Variants in DST observed in about 807,000 individuals in gnomAD.
The protein encoded by DST is bullous pemphigoid antigen.
In DST, 253 loss-of-function variants were observed where a neutral mutation model predicts 875.2. The ratio of observed to expected loss-of-function variants is 0.29; its 90% CI spans 0.26 to 0.32. DST has a LOEUF of 0.32. DST is among the 10% of genes least tolerant of loss of function. The pLI is 1.00. For missense variants in DST, 8,287 were observed against 9,111.6 expected, an observed-to-expected ratio of 0.91 and a Z score of 3.68; for synonymous variants, 3,124 against 3,197.1, an observed-to-expected ratio of 0.98 and a Z score of 0.77.
At chr6:56,529,359 C>A in intron 66 of DST, 89 bp downstream of exon 66, 1 of 1,099,472 alleles carries the variant, frequency 9.1e-7, no homozygotes. Context: ...TCGAAATCAT[C>A]ATAAACATAA....
chr6:56,843,614 T>A, intron 4 of DST: 1 of 983,590 alleles, frequency 1.0e-6, no homozygotes, highest in Non-Finnish European at 1.2e-6. Flanking sequence ...ACCGGCGCGC[T>A]GCCTTCACCG....
chr6:56,497,095 C>G (rs190077188), intron 82 of DST, among the ~76,000 whole-genome samples: 37 of 152,052 alleles, frequency 2.4e-4, no homozygotes, highest in Admixed American at 2.0e-3. Flanking sequence ...AGGACACCAG[C>G]ATGGCACATG....
At position 56,678,002 on chromosome 6, in the gene DST, G is replaced by A. The variant is rs114907924; in HGVS notation, c.1048-7195C>T. 9.6e-3 allele frequency among the ~76,000 whole-genome samples: 1,458 copies of A among 152,282 alleles called. 23 individuals carry two copies. Among genetic ancestry groups the A allele is most frequent in the African/African-American group, 0.033 (1,381 of 41,554 alleles). On this transcript the variant is annotated intron_variant, in intron 9 of 103. Transcript: ENST00000680361. Reference sequence around the variant, plus strand: ...CCCAGACTCCACTAGGCCCACAGGCGGGGCAGGTGAATTCTAACTCCTCCA... The same window carrying A: ...CCCAGACTCCACTAGGCCCACAGGCAGGGCAGGTGAATTCTAACTCCTCCA...
At chr6:56,813,389 A>AT (rs764324814) in intron 4 of DST, among the ~76,000 whole-genome samples, 1 of 139,188 alleles carries the variant, frequency 7.2e-6, no homozygotes, top group Non-Finnish European at 1.5e-5. Context: ...TATAATAATA[A>AT]TAAAAAAAAA....
chr6:56,940,930 C>A (rs921652228), intron 2 of DST, among the ~76,000 whole-genome samples: 3 of 152,118 alleles, frequency 2.0e-5, no homozygotes, highest in Non-Finnish European at 4.4e-5. Context: ...TAGTTATACC[C>A]TCTCTTTCAT....
At chr6:56,633,131 A>G in intron 27 of DST, 94 bp from the exon 28 acceptor site, 1 of 940,034 alleles carries the variant, frequency 1.1e-6, no homozygotes, top group East Asian at 2.4e-5. Context: ...ATGCCAATCT[A>G]AACGAATAAT....
chr6:56,586,207 C>T (rs1370206944), intron 49 of DST, among the ~76,000 whole-genome samples: 1 of 150,894 alleles, frequency 6.6e-6, no homozygotes, highest in East Asian at 2.0e-4. Context: ...GTTAAAGTCT[C>T]CCATTATTAT....
At chr6:56,510,722 T>C (rs577922299) in intron 73 of DST, among the ~76,000 whole-genome samples, 1 of 152,252 alleles carries the variant, frequency 6.6e-6, no homozygotes, top group African/African-American at 2.4e-5. Context: ...GGAAAATCTT[T>C]GGGTATTTCA....
intron 4 of DST, among the ~76,000 whole-genome samples, chr6:56,781,272 G>A (rs367894280): frequency 2.6e-5 from 4 of 152,306 alleles, no homozygotes; most frequent in African/African-American, 9.6e-5. Flanking sequence ...GTCATTGGTA[G>A]CTTGATGGGG....
rs899600101 is a variant in DST, at chr6:56,547,411, T to G, written c.16608+4773A>C. On this transcript the variant is annotated intron_variant, in intron 61 of 103. Transcript: ENST00000680361. ...TTCCTATAAAAGCCATGCATCTAGT[T>G]ACAGTGTCTATAGTGGAAATATTTT... is the stretch of plus-strand genomic sequence containing the variant. Among the ~76,000 whole-genome samples, 6 of 152,270 alleles carry G rather than the reference T, an allele frequency of 3.9e-5. No individual in the cohort carries two copies. In the East Asian group the frequency reaches 9.6e-4, roughly 24 times the overall value.
At position 56,642,503 on chromosome 6, in the gene DST, C is replaced by T. The variant is rs759216859; in HGVS notation, c.1779G>A (p.Arg593=). Residue 593 remains arginine, a splice_region_variant and synonymous_variant, in exon 16 of 104, where the codon AGG becomes AGA. Coordinates refer to ENST00000680361, the MANE Select transcript of DST (RefSeq NM_001374736.1). ...TGGCAATCTGTTGCAACATTTCTAA[C>T]CTAAAAGATGAGACAAAATAAAATA... ...REKALRPEVE[R]LEMLQQIANR... is the part of the protein sequence containing the mutation. The T allele has an allele frequency of 2.7e-5, 44 of 1,612,422 alleles. No individual in the cohort carries two copies. In the East Asian group the frequency reaches 6.5e-4, roughly 24 times the overall value.
At chr6:56,574,270 T>C (rs1156403688) in intron 50 of DST, among the ~76,000 whole-genome samples, 1 of 152,150 alleles carries the variant, frequency 6.6e-6, no homozygotes, top group Non-Finnish European at 1.5e-5. Context: ...TATTGAAAAT[T>C]ACTTTCGGAG....
At chr6:56,598,427 G>A in intron 46 of DST, 49 bp downstream of exon 46, 7 of 1,117,970 alleles carry the variant, frequency 6.3e-6, no homozygotes, top group Non-Finnish European at 8.6e-6. Flanking sequence ...TCAAGTAGCT[G>A]TTAAGCTTTT....
At chr6:56,882,367 C>T (rs1355206032) in intron 3 of DST, among the ~76,000 whole-genome samples, 1 of 152,160 alleles carries the variant, frequency 6.6e-6, no homozygotes, top group Non-Finnish European at 1.5e-5. Flanking sequence ...TTGTGTTTGG[C>T]AAAGTAGCTA....
Position 56,627,294 on chromosome 6 carries a change from A to G in DST, c.4639-7T>C, listed in dbSNP as rs768952855. 1 of 1,603,106 alleles carries G rather than the reference A, an allele frequency of 6.2e-7. No individual in the cohort carries two copies. The highest frequency in any genetic ancestry group is 1.7e-5 in the Admixed American group (1 of 59,988). Reference sequence around the variant, plus strand: ...CTATTTCGGACACCAGCATCTATAAATATACACAGTTTAGAACAAAAATGA... The same window carrying G: ...CTATTTCGGACACCAGCATCTATAAGTATACACAGTTTAGAACAAAAATGA... On this transcript the variant is annotated splice_region_variant and splice_polypyrimidine_tract_variant and intron_variant, in intron 33 of 103. Coordinates refer to ENST00000680361, the MANE Select transcript of DST (RefSeq NM_001374736.1).
intron 4 of DST, among the ~76,000 whole-genome samples, chr6:56,757,109 T>C (rs1374007209): frequency 1.3e-5 from 2 of 152,176 alleles, no homozygotes; most frequent in African/African-American, 2.4e-5. Context: ...AATACACTTT[T>C]AGAAAAGCAG....
At chr6:56,865,338 C>T (rs1190524522) in intron 3 of DST, among the ~76,000 whole-genome samples, 1 of 150,472 alleles carries the variant, frequency 6.6e-6, no homozygotes, top group Non-Finnish European at 1.5e-5. Flanking sequence ...AGAGAGAGAG[C>T]ATCTTGCTCT....
In DST at chr6:56,606,189, A is replaced by C. The variant is rs769634265; in HGVS notation, c.8439T>G (p.Asp2813Glu). 2 of 1,584,270 alleles carry C rather than the reference A, an allele frequency of 1.3e-6. No individual in the cohort carries two copies. The highest frequency in any genetic ancestry group is 4.6e-5 in the East Asian group (2 of 43,748). ...DQDDDDDDGIDEEGGGIRDEN... is the reference protein window; with the variant it reads ...DQDDDDDDGIEEEGGGIRDEN... ...CATCTCTTATACCTCCTCCTTCTTC[A>C]TCAATGCCATCATCATCATCGTCAT... The change falls in exon 40 of 104, where the codon GAT becomes GAG. Residue 2813 changes from aspartate to glutamate, a missense_variant. Physicochemically the swap from Asp to Glu is conservative, Grantham distance 45. Transcript: ENST00000680361.
Position 56,640,270 on chromosome 6 carries a change from T to G in DST, c.2363A>C (p.Gln788Pro), listed in dbSNP as rs191080954. 6.2e-7 allele frequency: 1 copy of G among 1,614,172 alleles called. No individual in the cohort carries two copies. Among genetic ancestry groups the G allele is most frequent in the East Asian group, 2.2e-5 (1 of 44,890 alleles). The change falls in exon 18 of 104, where the codon CAA becomes CCA. Residue 788 changes from glutamine to proline, a missense_variant. Gln to Pro is a moderately conservative substitution (Grantham distance 76). Around this residue, in one of 10 missense-constraint regions of DST, gnomAD observed 1,160 missense variants for 1,424.3 expected, o/e 0.81. Coordinates refer to ENST00000680361, the MANE Select transcript of DST (RefSeq NM_001374736.1). ...TCGGATCTGCATCAACTTCAAAGTT[T>G]GCAATGAATTTGGCTCTACTCCTGA... ...FSSGVEPNSL[Q>P]TLKLMQIRKP...
Sources: allele counts gnomAD v4.1 joint callset (sites outside exome capture counted in the v4.1 genomes callset), GRCh38; gene constraint gnomAD v4.1.1; regional missense constraint gnomAD v4.1.1; transcripts MANE v1.5; gene names NCBI Gene and HGNC (gene_info 2026-07-23, HGNC 2026-07-21).